Variants in PRELID2 observed in about 807,000 individuals in gnomAD.
PRELID2 encodes PRELI domain-containing protein 2.
PRELID2 carries 25 observed loss-of-function variants against 28.4 expected under a neutral mutation model. The ratio of observed to expected loss-of-function variants is 0.88; its 90% CI spans 0.64 to 1.23. PRELID2 has a LOEUF of 1.23. Ranked by LOEUF, PRELID2 falls within the 50% of genes most tolerant of loss-of-function variation. The probability of loss-of-function intolerance (pLI) is 0.00; values close to 1 mark genes in which losing one functional copy is unlikely to be tolerated. For synonymous variants in PRELID2, 76 were observed against 71.6 expected (o/e 1.06, Z -0.31); for missense variants, 201 against 214.4 (o/e 0.94, Z 0.39).
chr5:145,413,188 T>G, the PRELID2 span, among the ~76,000 whole-genome samples: 1 of 151,972 alleles, frequency 6.6e-6, no homozygotes, highest in Admixed American at 6.6e-5. Context: ...AGGACATAAA[T>G]AGACAATTCT....
At chr5:145,631,045 C>A (rs984015344) in intron 1 of PRELID2, among the ~76,000 whole-genome samples, 1 of 152,102 alleles carries the variant, frequency 6.6e-6, no homozygotes, top group African/African-American at 2.4e-5. Flanking sequence ...TTCAAAGGAT[C>A]ATGGAGATAA....
At chr5:145,312,906 C>A in the PRELID2 span, among the ~76,000 whole-genome samples, 3 of 151,866 alleles carry the variant, frequency 2.0e-5, no homozygotes, top group African/African-American at 4.8e-5. Context: ...TATGATAGTT[C>A]TATTTTATTT....
At chr5:145,794,959 A>C (rs1427200923) in intron 5 of PRELID2, 7 of 152,122 alleles carry the variant, frequency 4.6e-5, no homozygotes, top group Non-Finnish European at 7.4e-5. Flanking sequence ...GTTTTTATAA[A>C]TGAACATTTG....
the PRELID2 span, among the ~76,000 whole-genome samples, chr5:145,263,395 A>G: frequency 6.6e-6 from 1 of 152,122 alleles, no homozygotes; most frequent in Non-Finnish European, 1.5e-5. Flanking sequence ...TATTTTCATC[A>G]GCACATGGAA....
At chr5:145,342,038 T>C in the PRELID2 span, among the ~76,000 whole-genome samples, 1 of 152,116 alleles carries the variant, frequency 6.6e-6, no homozygotes, top group Non-Finnish European at 1.5e-5. Flanking sequence ...ACAAAGGAAA[T>C]TCCATTCTGA....
At position 145,623,272 on chromosome 5, in the gene PRELID2, AC is replaced by A. The variant is rs371676549; in HGVS notation, n.70+141658del. ...GAGACCAGCCGGCCAACATGGCGAA[AC>A]CCCGTCTCTACTAAAAATACAAAAA... On this transcript the variant is annotated intron_variant and non_coding_transcript_variant, in intron 1 of 2. Coordinates refer to the PRELID2 transcript ENST00000510259. 3.3e-4 allele frequency among the ~76,000 whole-genome samples: 50 copies of A among 151,884 alleles called. No individual in the cohort carries two copies. The East Asian group carries it at 8.3e-3, about 25-fold the overall frequency.
At chr5:145,683,362 C>T (rs1013596017) in intron 1 of PRELID2, among the ~76,000 whole-genome samples, 1 of 152,196 alleles carries the variant, frequency 6.6e-6, no homozygotes, top group Non-Finnish European at 1.5e-5. Flanking sequence ...CAAAAAATAT[C>T]ATAACCAGTA....
At chr5:145,253,247 G>A in the PRELID2 span, among the ~76,000 whole-genome samples, 2 of 152,166 alleles carry the variant, frequency 1.3e-5, no homozygotes, top group Non-Finnish European at 1.5e-5. Flanking sequence ...TATTGAGGTA[G>A]AACCTGTGGT....
chr5:145,650,564 A>G (rs1428065175), intron 1 of PRELID2, among the ~76,000 whole-genome samples: 3 of 134,420 alleles, frequency 2.2e-5, no homozygotes, highest in African/African-American at 8.9e-5. Context: ...ATATATATAT[A>G]TATATATATA....
At chr5:145,560,300 C>T (rs908263762) in intron 1 of PRELID2, among the ~76,000 whole-genome samples, 1 of 152,176 alleles carries the variant, frequency 6.6e-6, no homozygotes, top group African/African-American at 2.4e-5. Context: ...TCTTTCTCAA[C>T]CAGTAAGCTC....
intron 1 of PRELID2, among the ~76,000 whole-genome samples, chr5:145,713,350 TTATATATATA>T (rs148194664): frequency 8.0e-6 from 1 of 124,714 alleles, no homozygotes; most frequent in South Asian, 2.7e-4. Flanking sequence ...ATATCTGACT[TTATATATATA>T]TATATATATA....
chr5:145,597,339 G>A (rs1045725571), intron 1 of PRELID2, among the ~76,000 whole-genome samples: 3 of 152,034 alleles, frequency 2.0e-5, no homozygotes, highest in Non-Finnish European at 2.9e-5. Context: ...TAGACTTCAA[G>A]CCATATCTAG....
the PRELID2 span, among the ~76,000 whole-genome samples, chr5:145,438,338 T>C: frequency 1.3e-5 from 2 of 152,096 alleles, no homozygotes; most frequent in Non-Finnish European, 1.5e-5. Flanking sequence ...AAAACTCTGT[T>C]TGACTTTCTG....
At chr5:145,721,188 A>G (rs1479938801) in intron 1 of PRELID2, among the ~76,000 whole-genome samples, 1 of 152,118 alleles carries the variant, frequency 6.6e-6, no homozygotes, top group Non-Finnish European at 1.5e-5. Flanking sequence ...CACTTACCAT[A>G]TAGCCTCTGG....
intron 5 of PRELID2, among the ~76,000 whole-genome samples, chr5:145,786,434 T>G (rs566579197): frequency 2.0e-5 from 3 of 152,282 alleles, no homozygotes; most frequent in Non-Finnish European, 4.4e-5. Context: ...ACTGCCACAT[T>G]CTGAGATCAT....
chr5:145,666,078 G>C (rs1754588673), intron 1 of PRELID2, among the ~76,000 whole-genome samples: 2 of 151,544 alleles, frequency 1.3e-5, no homozygotes, highest in South Asian at 4.2e-4. Context: ...GACATAACTG[G>C]ATCAAGATGC....
intron 6 of PRELID2, among the ~76,000 whole-genome samples, chr5:145,762,711 G>C (rs1451704069): frequency 1.3e-5 from 2 of 152,156 alleles, no homozygotes; most frequent in Non-Finnish European, 2.9e-5. Flanking sequence ...CTCCAGGGTA[G>C]AGCCTGGCCA....
chr5:145,438,210 T>C, the PRELID2 span, among the ~76,000 whole-genome samples: 2 of 152,112 alleles, frequency 1.3e-5, no homozygotes, highest in African/African-American at 4.8e-5. Context: ...CTATTTTCTT[T>C]ATCCCCCAAC....
intron 5 of PRELID2, among the ~76,000 whole-genome samples, chr5:145,790,701 T>TTGTGTG (rs148531864): frequency 0.012 from 1,214 of 104,888 alleles, 23 homozygotes; most frequent in African/African-American, 0.034. Flanking sequence ...TAATTCCACA[T>TTGTGTG]TGTGTGTGTG....
Sources: allele counts gnomAD v4.1 joint callset (sites outside exome capture counted in the v4.1 genomes callset), GRCh38; gene constraint gnomAD v4.1.1; transcripts MANE v1.5; gene names NCBI Gene and HGNC (gene_info 2026-07-23, HGNC 2026-07-21).